The following UBASH3A variants were observed in gnomAD, a reference collection of about 807,000 sequenced individuals.
UBASH3A encodes the protein ubiquitin-associated and SH3 domain-containing protein A.
In UBASH3A, 63 loss-of-function variants were observed where a neutral mutation model predicts 73.5. The ratio of observed to expected loss-of-function variants is 0.86; its 90% confidence interval spans 0.70 to 1.06. The LOEUF (loss-of-function observed/expected upper bound fraction) is 1.06. Ranked by LOEUF, UBASH3A falls within the 50% of genes least tolerant of loss-of-function variation. The probability of loss-of-function intolerance (pLI) is 0.00; values close to 1 mark genes in which losing one functional copy is unlikely to be tolerated. For synonymous variants in UBASH3A, 363 were observed against 351.1 expected (o/e 1.03, Z -0.38); for missense variants, 860 against 859.0 (o/e 1.00, Z -0.02).
At chr21:42,410,496 C>T in intron 3 of UBASH3A, 1 of 416,982 alleles carries the variant, frequency 2.4e-6, no homozygotes. Flanking sequence ...GAAGATGTCC[C>T]AGGAGAAGCA....
intron 2 of UBASH3A, among the ~76,000 whole-genome samples, chr21:42,407,659 G>A (rs541928104): frequency 1.3e-5 from 2 of 152,130 alleles, no homozygotes; most frequent in Non-Finnish European, 2.9e-5. Context: ...GGGAAGCAGG[G>A]CCTCACACGT....
At chr21:42,434,489 C>T (rs947339018) in intron 9 of UBASH3A, among the ~76,000 whole-genome samples, 5 of 152,152 alleles carry the variant, frequency 3.3e-5, no homozygotes, top group Admixed American at 6.5e-5. Flanking sequence ...AGATTCTTAC[C>T]GAGTTACACT....
chr21:42,419,225 C>A (rs993327507), intron 7 of UBASH3A, among the ~76,000 whole-genome samples: 3 of 152,192 alleles, frequency 2.0e-5, no homozygotes, highest in Non-Finnish European at 4.4e-5. Flanking sequence ...TCTTCATCAG[C>A]TGAAGAATCT....
At chr21:42,441,673 A>C (rs983873471) in intron 11 of UBASH3A, among the ~76,000 whole-genome samples, 1 of 90,436 alleles carries the variant, frequency 1.1e-5, no homozygotes, top group Non-Finnish European at 2.3e-5. Context: ...TGGTTGATGA[A>C]GGAGGACTTG....
chr21:42,435,067 T>C, intron 10 of UBASH3A, 113 bp downstream of exon 10: 3 of 1,352,690 alleles, frequency 2.2e-6, no homozygotes, highest in Non-Finnish European at 2.0e-6. Context: ...AGTGTTAGCT[T>C]TGTCTCCAGT....
intron 5 of UBASH3A, 109 bp from the exon 6 acceptor site, chr21:42,416,333 G>C (rs1401401120): frequency 2.5e-6 from 3 of 1,206,614 alleles, no homozygotes; most frequent in Non-Finnish European, 3.4e-6. Flanking sequence ...GGCCAAATGA[G>C]CTCTGAGTTC....
intron 11 of UBASH3A, among the ~76,000 whole-genome samples, chr21:42,438,513 G>A (rs559030959): frequency 3.9e-5 from 6 of 152,232 alleles, no homozygotes; most frequent in East Asian, 1.9e-4. Context: ...TGCATCAGCC[G>A]GGCTAGGGGG....
At chr21:42,410,902 T>C (rs1180456757) in intron 3 of UBASH3A, among the ~76,000 whole-genome samples, 1 of 144,198 alleles carries the variant, frequency 6.9e-6, no homozygotes, top group Non-Finnish European at 1.5e-5. Flanking sequence ...CATACAGACA[T>C]ACATAGATAT....
In UBASH3A at chr21:42,413,186, G is replaced by T. The variant is rs151066227; in HGVS notation, c.517G>T (p.Ala173Ser). 1 of 1,614,192 alleles carries T rather than the reference G, an allele frequency of 6.2e-7. No homozygotes were observed. The highest frequency in any genetic ancestry group is 8.5e-7 in the Non-Finnish European group (1 of 1,180,028). ...GSPADVIREF[A>S]MTFATEASLL... ...CCCCGCAGACGTCATCCGGGAATTC[G>T]CCATGACCTTCGCCACGGAAGCATC... is the stretch of plus-strand genomic sequence containing the variant. The change falls in exon 4 of 15, where the codon GCC becomes TCC. Residue 173 changes from alanine to serine, a missense_variant. Transcript: ENST00000319294. The surrounding 1 kb of genome is among the most constrained non-coding windows in gnomAD (Gnocchi z 4.5).
At position 42,426,793 on chromosome 21, in the gene UBASH3A, G is replaced by C; in HGVS notation, c.1143G>C (p.Arg381Ser). 1.2e-6 allele frequency: 2 copies of C among 1,614,202 alleles called. No individual in the cohort carries two copies. The highest frequency in any genetic ancestry group is 8.5e-7 in the Non-Finnish European group (1 of 1,180,022). ...GGGAATTTCTTCCACAAACGGCAAG[G>C]AGTCTTAGCAGCTTACAGGCCTTGC... is the stretch of plus-strand genomic sequence containing the variant. Reference protein sequence around the residue: ...CSGEFLPQTARSLSSLQALQA... With the variant: ...CSGEFLPQTASSLSSLQALQA... Residue 381 changes from arginine (R) to serine (S), a missense_variant, in exon 8 of 15, where the codon AGG becomes AGC. Arg to Ser is a moderately radical substitution (Grantham distance 110). Coordinates refer to ENST00000319294, the MANE Select transcript of UBASH3A (RefSeq NM_018961.4).
chr21:42,442,399 A>G, intron 11 of UBASH3A, 53 bp from the exon 12 acceptor site: 4 of 1,585,594 alleles, frequency 2.5e-6, no homozygotes, highest in Non-Finnish European at 3.4e-6. Flanking sequence ...TTATTTATGC[A>G]AAGTCAGGGT....
chr21:42,424,244 C>T (rs1039431752), intron 7 of UBASH3A, among the ~76,000 whole-genome samples: 1 of 152,006 alleles, frequency 6.6e-6, no homozygotes, highest in Non-Finnish European at 1.5e-5. Flanking sequence ...GCAGGCGCAC[C>T]AGGAGGAATC....
intron 3 of UBASH3A, among the ~76,000 whole-genome samples, chr21:42,411,488 C>T (rs1014527329): frequency 1.3e-5 from 2 of 151,134 alleles, no homozygotes; most frequent in African/African-American, 4.9e-5. Flanking sequence ...CACAGATACA[C>T]ACATGCATAC....
At chr21:42,429,383 G>C (rs1174843679) in intron 8 of UBASH3A, among the ~76,000 whole-genome samples, 4 of 152,108 alleles carry the variant, frequency 2.6e-5, no homozygotes, top group Non-Finnish European at 5.9e-5. Context: ...TAGATCCCAG[G>C]GGTCAGTCCA....
chr21:42,405,984 G>T (rs1232624581), intron 1 of UBASH3A, among the ~76,000 whole-genome samples: 2 of 43,038 alleles, frequency 4.6e-5, no homozygotes, highest in Non-Finnish European at 8.0e-5. Flanking sequence ...TCTAGGCAGT[G>T]GGGGGGGGGG....
chr21:42,411,118 GAC>G (rs1390679127), intron 3 of UBASH3A, among the ~76,000 whole-genome samples: 3 of 140,366 alleles, frequency 2.1e-5, no homozygotes, highest in African/African-American at 8.1e-5. Flanking sequence ...CACACAGATA[GAC>G]ACAGAGACGT....
At chr21:42,441,184 T>C (rs2053733800) in intron 11 of UBASH3A, among the ~76,000 whole-genome samples, 1 of 152,158 alleles carries the variant, frequency 6.6e-6, no homozygotes, top group South Asian at 2.1e-4. Flanking sequence ...ATCAACCTGC[T>C]TATCAGATGG....
At chr21:42,406,479 G>A (rs1422510941) in intron 2 of UBASH3A, 118 bp downstream of exon 2, 6 of 818,040 alleles carry the variant, frequency 7.3e-6, no homozygotes, top group Non-Finnish European at 1.3e-5. Flanking sequence ...GTGGGATGGG[G>A]CCACTGCGGA....
intron 3 of UBASH3A, among the ~76,000 whole-genome samples, chr21:42,411,711 GGA>G (rs2053101625): frequency 6.6e-6 from 1 of 152,196 alleles, no homozygotes. Flanking sequence ...AGAGTGTAAC[GGA>G]GACTCACTGT....
Sources: gnomAD v4.1 joint callset for allele counts (sites outside exome capture counted in the v4.1 genomes callset) on GRCh38, gnomAD v4.1.1 for gene constraint, Gnocchi (gnomAD v3.1) non-coding constraint, MANE v1.5 for transcripts, NCBI Gene and HGNC (gene_info 2026-07-23, HGNC 2026-07-21) for gene names.